Variants in PITRM1 observed in about 807,000 individuals in gnomAD.
PITRM1 encodes presequence protease, mitochondrial.
A neutral mutation model predicts 129.9 loss-of-function variants in PITRM1; 100 were observed. The ratio of observed to expected loss-of-function variants is 0.77; its 90% CI spans 0.65 to 0.91. The LOEUF (loss-of-function observed/expected upper bound fraction) is 0.91, where lower values mean the gene tolerates loss of function less well. PITRM1 is among the 40% of genes least tolerant of loss of function. The pLI is 0.00. For missense variants in PITRM1, 1,471 were observed against 1,318.3 expected, an observed-to-expected ratio of 1.12 and a Z score of -1.79; for synonymous variants, 591 against 508.8, an observed-to-expected ratio of 1.16 and a Z score of -2.17.
chr10:3,140,495 G>A (rs1458917698), intron 24 of PITRM1, among the ~76,000 whole-genome samples, 192 bp downstream of exon 24: 1 of 152,136 alleles, frequency 6.6e-6, no homozygotes, highest in Admixed American at 6.5e-5. Flanking sequence ...TTCCTGTTTC[G>A]GCTGCTGGCC....
intron 20 of PITRM1, chr10:3,146,561 G>A (rs1276779224): frequency 1.3e-5 from 2 of 152,430 alleles, no homozygotes; most frequent in African/African-American, 4.8e-5. Context: ...CCCACAGACC[G>A]CCCTGTAGAA....
At position 3,165,168 on chromosome 10, in the gene PITRM1, G is replaced by A. The variant is rs550652547; in HGVS notation, c.630+70C>T. The A allele has an allele frequency of 2.3e-5, 24 of 1,031,554 alleles. No individual in the cohort carries two copies. The African/African-American group carries it at 3.1e-4, about 13-fold the overall frequency. The allele number at this position is 1,031,554 out of a possible 1,614,324, so 63.9% of individuals were successfully genotyped here. A position where few individuals can be genotyped will look rare whatever the true frequency, so the allele number is the denominator to read the frequency against. ...GAATATTAAATAAAATCTTCCAGAT[G>A]TGTCTATATCATGATATTGTACATG... On this transcript the variant is annotated intron_variant, in intron 6 of 26. Coordinates refer to ENST00000224949, the MANE Select transcript of PITRM1 (RefSeq NM_014889.4).
At chr10:3,163,552 G>A in intron 7 of PITRM1, 173 bp downstream of exon 7, 1 of 553,974 alleles carries the variant, frequency 1.8e-6, no homozygotes, top group Non-Finnish European at 3.1e-6. Context: ...CATTGTAAAT[G>A]TCCAAAATCA....
Position 3,147,575 on chromosome 10 carries a change from A to T in PITRM1, c.2232T>A (p.Asp744Glu). Residue 744 changes from aspartate (D) to glutamate (E), a missense_variant, in exon 19 of 27, where the codon GAT becomes GAA. By Grantham distance (45) the Asp-to-Glu change is conservative. Coordinates refer to ENST00000224949, the MANE Select transcript of PITRM1 (RefSeq NM_014889.4). ...AGGTTCCTTCCAAGCTTCCCACCTG[A>T]TCCATCCCGCTGAAGGTCTCCTGCA... The part of the protein sequence containing the change: ...GDLQETFSGM[D>E]QVRLMKRIAE... The T allele has an allele frequency of 6.2e-7, 1 of 1,613,988 alleles. No homozygotes were observed. Among genetic ancestry groups the T allele is most frequent in the Non-Finnish European group, 8.5e-7 (1 of 1,179,876 alleles).
intron 15 of PITRM1, 36 bp downstream of exon 15, chr10:3,151,211 C>T (rs1197211419): frequency 3.4e-6 from 4 of 1,176,860 alleles, no homozygotes; most frequent in East Asian, 4.9e-5. Context: ...CCCCAAGGAA[C>T]CCGAGACCCG....
rs1218514617 is a variant in PITRM1, at chr10:3,147,319, A to C, written c.2236-69T>G. The C allele has an allele frequency of 2.5e-6, 3 of 1,186,856 alleles. No individual in the cohort carries two copies. In the African/African-American group the frequency reaches 4.5e-5, roughly 18 times the overall value. 73.5% of individuals were successfully genotyped at this position (1,186,856 alleles called of 1,614,324 possible). A position where few individuals can be genotyped will look rare whatever the true frequency, so the allele number is the denominator to read the frequency against. ...CAGACCCGCTGAGTCTGAACCAAGC[A>C]CCTGTGACATCAGAACCCTGCTTGG... On this transcript the variant is annotated intron_variant, in intron 19 of 26. Coordinates refer to ENST00000224949, the MANE Select transcript of PITRM1 (RefSeq NM_014889.4).
At chr10:3,171,985 T>C (rs111377668) in intron 1 of PITRM1, among the ~76,000 whole-genome samples, 7 of 152,242 alleles carry the variant, frequency 4.6e-5, no homozygotes, top group Non-Finnish European at 8.8e-5. Context: ...ATTCAGTCAC[T>C]GGCAATATTA....
At chr10:3,145,480 G>A in intron 21 of PITRM1, 116 bp downstream of exon 21, 1 of 824,570 alleles carries the variant, frequency 1.2e-6, no homozygotes, top group South Asian at 1.7e-5. Flanking sequence ...GCGTACGGGG[G>A]ATATGAACCC....
rs551594189 is a variant in PITRM1 at position 3,144,645 on chromosome 10, A to T, written c.2458-279T>A. Among the ~76,000 whole-genome samples the T allele has an allele frequency of 3.1e-4, 47 of 152,250 alleles. No homozygotes were observed. The South Asian group carries it at 9.1e-3, about 30-fold the overall frequency. On this transcript the variant is annotated intron_variant, in intron 21 of 26. Coordinates refer to ENST00000224949, the MANE Select transcript of PITRM1 (RefSeq NM_014889.4). ...TAGTGAGCTCCCATCTCAACAAAAAATTTTTAAAAATTAGCTGGGCATGGT... is the reference window on the plus strand; with the variant it reads ...TAGTGAGCTCCCATCTCAACAAAAATTTTTTAAAAATTAGCTGGGCATGGT...
intron 1 of PITRM1, chr10:3,172,276 T>A: frequency 2.1e-6 from 1 of 467,974 alleles, no homozygotes; most frequent in Non-Finnish European, 4.3e-6. Context: ...AACAAAACAG[T>A]TCAATTCCGG....
chr10:3,142,348 G>A (rs78801351), intron 23 of PITRM1, among the ~76,000 whole-genome samples: 12,719 of 152,288 alleles, frequency 0.084, 657 homozygotes, highest in Non-Finnish European at 0.12. Context: ...TCGGAGGCCC[G>A]GCTCCTTCTC....
chr10:3,157,910 C>G, intron 11 of PITRM1, 130 bp downstream of exon 11: 1 of 684,972 alleles, frequency 1.5e-6, no homozygotes, highest in South Asian at 1.6e-5. Flanking sequence ...ATTTAAACAA[C>G]TAAATATGAA....
intron 23 of PITRM1, among the ~76,000 whole-genome samples, chr10:3,142,407 C>T (rs974950823): frequency 4.6e-5 from 7 of 152,246 alleles, no homozygotes; most frequent in Non-Finnish European, 8.8e-5. Flanking sequence ...CCCTCTCTAC[C>T]AGGCTCACTC....
chr10:3,159,985 C>A, intron 8 of PITRM1, 49 bp from the exon 9 acceptor site: 1 of 1,370,190 alleles, frequency 7.3e-7, no homozygotes, highest in South Asian at 1.2e-5. Flanking sequence ...TGACGGTTGT[C>A]AACTACTCTA....
chr10:3,138,417 G>T, intron 25 of PITRM1, 80 bp from the exon 26 acceptor site: 2 of 901,646 alleles, frequency 2.2e-6, no homozygotes, highest in Non-Finnish European at 3.7e-6. Flanking sequence ...TCCCGGAGGG[G>T]ACACAGGCAT....
chr10:3,139,145 G>A (rs1839928149), intron 24 of PITRM1, 96 bp from the exon 25 acceptor site: 3 of 999,532 alleles, frequency 3.0e-6, no homozygotes, highest in Non-Finnish European at 4.6e-6. Context: ...TCTTCTATGG[G>A]TTAACAGCTC....
At chr10:3,161,795 A>G (rs1366211256) in intron 7 of PITRM1, among the ~76,000 whole-genome samples, 1 of 152,022 alleles carries the variant, frequency 6.6e-6, no homozygotes, top group African/African-American at 2.4e-5. Flanking sequence ...ATATATACAT[A>G]TACAGAAATA....
chr10:3,137,877 AAGAT>A lies in PITRM1; in HGVS notation c.*150_*153del, dbSNP rs113656006. On this transcript the variant is annotated 3_prime_UTR_variant, in exon 27 of 27. Transcript: ENST00000224949. ...AATGAACCTCTTCCTGGTCACTCTT[AAGAT>A]AGATCTGAGTTTTTGACTCGCCAGT... 1,125 of 605,360 alleles carry A rather than the reference AAGAT, an allele frequency of 1.9e-3. 9 individuals carry two copies. Among genetic ancestry groups the A allele is most frequent in the African/African-American group, 0.017 (891 of 53,812 alleles). The allele number at this position is 605,360 out of a possible 1,614,324, so 37.5% of individuals were successfully genotyped here.
At position 3,170,129 on chromosome 10, in the gene PITRM1, T is replaced by C. The variant is rs1843213829; in HGVS notation, c.134A>G (p.Lys45Arg). The C allele has an allele frequency of 3.1e-6, 5 of 1,613,800 alleles. No homozygotes were observed. The highest frequency in any genetic ancestry group is 4.2e-6 in the Non-Finnish European group (5 of 1,179,684). Reference sequence around the variant, plus strand: ...CTGGTTTACGGTGAATCCATGGATCTTGTCTCCTAGTTTATACTGCAGAGC... The same window carrying C: ...CTGGTTTACGGTGAATCCATGGATCCTGTCTCCTAGTTTATACTGCAGAGC... Reference protein sequence around the residue: ...ERALQYKLGDKIHGFTVNQVT... With the variant: ...ERALQYKLGDRIHGFTVNQVT... The change falls in exon 2 of 27, where the codon AAG (lysine) becomes AGG (arginine). Residue 45 changes from lysine (K) to arginine (R), a missense_variant. By Grantham distance (26) the Lys-to-Arg change is conservative. Coordinates refer to ENST00000224949, the MANE Select transcript of PITRM1 (RefSeq NM_014889.4).
Sources: gnomAD v4.1 joint callset for allele counts (sites outside exome capture counted in the v4.1 genomes callset) on GRCh38, gnomAD v4.1.1 for gene constraint, MANE v1.5 for transcripts, NCBI Gene and HGNC (gene_info 2026-07-23, HGNC 2026-07-21) for gene names.